SLC1A3: variants seen among roughly 807,000 people sequenced by gnomAD.
The protein encoded by SLC1A3 is solute carrier family 1 member 3, also known as excitatory amino acid transporter 1.
A neutral mutation model predicts 48.1 loss-of-function variants in SLC1A3; 21 were observed. That is an observed-to-expected ratio of 0.44 (90% CI 0.31 to 0.63). The LOEUF is 0.63. Among genes scored for constraint, SLC1A3 ranks in the 20% least tolerant of loss-of-function variants. SLC1A3 has a pLI of 0.08. For synonymous variants in SLC1A3, 239 were observed against 251.4 expected (o/e 0.95, Z 0.47); for missense variants, 546 against 689.0 (o/e 0.79, Z 2.32).
Position 36,671,034 on chromosome 5 carries a change from G to A in SLC1A3, c.325G>A (p.Ala109Thr). The A allele has an allele frequency of 1.2e-6, 2 of 1,613,918 alleles. No individual in the cohort carries two copies. The highest frequency in any genetic ancestry group is 1.7e-6 in the Non-Finnish European group (2 of 1,179,816). The change falls in exon 4 of 10, where the codon GCG becomes ACG. Residue 109 changes from alanine to threonine, a missense_variant. This residue lies in a region of SLC1A3 where 348 missense variants were observed against 392.0 expected (regional missense o/e 0.89). Coordinates refer to ENST00000265113, the MANE Select transcript of SLC1A3 (RefSeq NM_004172.5). ...LIISSLVTGM[A>T]ALDSKASGKM... is the part of the protein sequence containing the mutation. ...CTTCTGTTTGCCTCCACCAGGAATG[G>A]CGGCGCTAGATAGTAAGGCATCAGG...
chr5:36,645,641 C>T (rs1019831773), intron 3 of SLC1A3, among the ~76,000 whole-genome samples: 9 of 151,938 alleles, frequency 5.9e-5, no homozygotes, highest in Non-Finnish European at 1.3e-4. Flanking sequence ...TGCCTTTTGA[C>T]CATCAACAAA....
chr5:36,647,254 C>T (rs1740875719), intron 3 of SLC1A3, among the ~76,000 whole-genome samples: 1 of 152,162 alleles, frequency 6.6e-6, no homozygotes, highest in African/African-American at 2.4e-5. Flanking sequence ...CCTGTGAGTA[C>T]TCAACAAACA....
chr5:36,637,340 T>C (rs1441824900), intron 3 of SLC1A3, among the ~76,000 whole-genome samples: 3 of 152,158 alleles, frequency 2.0e-5, no homozygotes, highest in African/African-American at 7.2e-5. Flanking sequence ...GTGGCAAAAA[T>C]GGAATTGTTC....
chr5:36,609,000 A>G (rs1333491496), intron 2 of SLC1A3: 1 of 999,166 alleles, frequency 1.0e-6, no homozygotes, highest in Non-Finnish European at 1.2e-6. Context: ...TACACCTAAA[A>G]TGACATGTTG....
intron 3 of SLC1A3, among the ~76,000 whole-genome samples, chr5:36,634,000 G>A (rs967429772): frequency 1.3e-5 from 2 of 152,204 alleles, no homozygotes; most frequent in Non-Finnish European, 2.9e-5. Flanking sequence ...AAATGGCTGG[G>A]CGTCGTGGCT....
At chr5:36,679,349 G>A (rs1742338432) in intron 6 of SLC1A3, among the ~76,000 whole-genome samples, 3 of 152,096 alleles carry the variant, frequency 2.0e-5, no homozygotes, top group Admixed American at 2.0e-4. Flanking sequence ...TTTTCCCCCA[G>A]GTCTAAGAGA....
intron 1 of SLC1A3, among the ~76,000 whole-genome samples, chr5:36,598,458 AT>A: frequency 6.6e-6 from 1 of 152,322 alleles, no homozygotes. Context: ...ATTTAAATAA[AT>A]TAAGAGTGAT....
chr5:36,602,018 C>A (rs1738814516), upstream of SLC1A3, among the ~76,000 whole-genome samples: 1 of 152,076 alleles, frequency 6.6e-6, no homozygotes, highest in Non-Finnish European at 1.5e-5. Flanking sequence ...AGAATTGCAG[C>A]ACAAAGTGGT....
At chr5:36,641,090 C>T (rs1740600969) in intron 3 of SLC1A3, among the ~76,000 whole-genome samples, 1 of 151,982 alleles carries the variant, frequency 6.6e-6, no homozygotes, top group African/African-American at 2.4e-5. Flanking sequence ...GCTTCTGTAC[C>T]AGTGCTTTAT....
chr5:36,608,640 C>G (rs374298874), intron 2 of SLC1A3, 36 bp downstream of exon 2: 7 of 1,609,516 alleles, frequency 4.3e-6, no homozygotes, highest in Non-Finnish European at 5.9e-6. Flanking sequence ...AAACCTGTAT[C>G]TTGTTTCTCT....
chr5:36,669,883 A>G (rs1284619685), intron 3 of SLC1A3: 1 of 152,002 alleles, frequency 6.6e-6, no homozygotes. Flanking sequence ...TTAAACCACC[A>G]TTAGAATCTG....
At chr5:36,631,681 C>A (rs1053004139) in intron 3 of SLC1A3, among the ~76,000 whole-genome samples, 1 of 152,168 alleles carries the variant, frequency 6.6e-6, no homozygotes, top group African/African-American at 2.4e-5. Context: ...GAATTTAGTT[C>A]GCCAAAGATC....
chr5:36,676,016 A>T (rs1278576780), intron 5 of SLC1A3, among the ~76,000 whole-genome samples: 2 of 152,178 alleles, frequency 1.3e-5, no homozygotes, highest in Non-Finnish European at 2.9e-5. Flanking sequence ...GGATGAGTTT[A>T]CTTGTTTCAT....
intron 3 of SLC1A3, chr5:36,668,179 C>G (rs964837951): frequency 2.6e-5 from 4 of 152,224 alleles, no homozygotes; most frequent in Admixed American, 1.3e-4. Context: ...TAACCTTGCT[C>G]CAGACACTCT....
intron 3 of SLC1A3, among the ~76,000 whole-genome samples, chr5:36,654,719 G>A (rs781645583): frequency 1.1e-4 from 16 of 152,142 alleles, no homozygotes; most frequent in Non-Finnish European, 1.9e-4. Context: ...CGTCATGCAG[G>A]GCTGCTATTG....
At chr5:36,679,889 T>C (rs1321141574) in intron 7 of SLC1A3, 29 bp downstream of exon 7, 1 of 1,520,528 alleles carries the variant, frequency 6.6e-7, no homozygotes, top group East Asian at 2.2e-5. Context: ...AAAATGAGTC[T>C]GAAATGTTAC....
intron 9 of SLC1A3, 78 bp downstream of exon 9, chr5:36,684,076 C>A: frequency 6.4e-7 from 1 of 1,561,370 alleles, no homozygotes; most frequent in Non-Finnish European, 8.8e-7. Context: ...GGCAGCCTGG[C>A]ACATCTACAG....
intron 3 of SLC1A3, among the ~76,000 whole-genome samples, chr5:36,648,730 G>A (rs1457822369): frequency 2.6e-5 from 4 of 152,208 alleles, no homozygotes; most frequent in Non-Finnish European, 5.9e-5. Flanking sequence ...GGTCATTAAA[G>A]ATAGCACATC....
chr5:36,675,909 G>T (rs187930300), intron 5 of SLC1A3, among the ~76,000 whole-genome samples: 322 of 151,994 alleles, frequency 2.1e-3, no homozygotes, highest in African/African-American at 7.5e-3. Flanking sequence ...CTAGACTCTA[G>T]ATTCACTCAC....
Sources: allele counts gnomAD v4.1 joint callset (sites outside exome capture counted in the v4.1 genomes callset), GRCh38; gene constraint gnomAD v4.1.1; regional missense constraint gnomAD v4.1.1; transcripts MANE v1.5; gene names NCBI Gene and HGNC (gene_info 2026-07-23, HGNC 2026-07-21).